Variants in MALAT1 observed in about 807,000 individuals in gnomAD.
MALAT1 encodes the protein metastasis associated lung adenocarcinoma transcript 1, also known as hepcarcin.
exon 3 of MALAT1, chr11:65,500,007 A>G (rs1854504341): frequency 2.3e-6 from 1 of 426,502 alleles, no homozygotes. Context: ...AATTATTGGT[A>G]ACCAATTTAT....
intron 3 of MALAT1, chr11:65,504,308 CTT>C (rs36002528): frequency 1.7e-3 from 803 of 460,740 alleles, no homozygotes; most frequent in Admixed American, 3.5e-3. Flanking sequence ...CTTGTTGTAG[CTT>C]TTTTTTTTTT....
At chr11:65,502,402 C>A (rs762377120) in exon 3 of MALAT1, 1 of 506,210 alleles carries the variant, frequency 2.0e-6, no homozygotes, top group East Asian at 5.5e-5. Context: ...AAGTAAGATT[C>A]TATTTTCAGT....
At chr11:65,498,631 G>GT in intron 1 of MALAT1, 1 of 518,626 alleles carries the variant, frequency 1.9e-6, no homozygotes, top group Middle Eastern at 3.2e-4. Context: ...GCTCAGTTGC[G>GT]TAATGGAAAG....
intron 3 of MALAT1, chr11:65,505,424 C>T (rs1474378067): frequency 1.9e-6 from 1 of 513,822 alleles, no homozygotes; most frequent in South Asian, 1.4e-5. Flanking sequence ...TTTATAGCAG[C>T]TCTTAATAAT....
At chr11:65,503,023 C>T (rs1423740422) in exon 3 of MALAT1, 4 of 505,030 alleles carry the variant, frequency 7.9e-6, no homozygotes, top group Admixed American at 2.1e-5. Context: ...CTACATTAAT[C>T]CTGGAATAAA....
chr11:65,506,190 A>C (rs776357860), intron 3 of MALAT1: 1 of 435,864 alleles, frequency 2.3e-6, no homozygotes, highest in African/African-American at 2.1e-5. Context: ...TTGACTACTA[A>C]TCTGTCTTCA....
chr11:65,501,454 C>T (rs781667991), exon 3 of MALAT1: 3 of 509,246 alleles, frequency 5.9e-6, no homozygotes, highest in South Asian at 1.4e-5. Flanking sequence ...ACTCTTTTTT[C>T]CCCCCACCCC....
chr11:65,502,406 T>C (rs1374182562), exon 3 of MALAT1: 1 of 506,326 alleles, frequency 2.0e-6, no homozygotes, highest in Non-Finnish European at 3.9e-6. Flanking sequence ...AAGATTCTAT[T>C]TTCAGTTGTG....
exon 3 of MALAT1, chr11:65,501,453 T>TC (rs775681570): frequency 1.9e-6 from 1 of 514,168 alleles, no homozygotes; most frequent in Non-Finnish European, 3.9e-6. Flanking sequence ...TACTCTTTTT[T>TC]CCCCCCACCC....
intron 1 of MALAT1, chr11:65,497,956 T>C (rs747217984): frequency 5.8e-6 from 3 of 518,956 alleles, no homozygotes; most frequent in East Asian, 5.4e-5. Context: ...GCTGTCCTTA[T>C]AGGCTGGCCA....
chr11:65,497,788 C>A, exon 1 of MALAT1: 1 of 482,184 alleles, frequency 2.1e-6, no homozygotes, highest in Non-Finnish European at 4.1e-6. Context: ...CCGCAACTGG[C>A]CTCTCCTGCC....
At chr11:65,498,499 C>T (rs778788807) in intron 1 of MALAT1, 2 of 517,364 alleles carry the variant, frequency 3.9e-6, no homozygotes, top group African/African-American at 3.9e-5. Flanking sequence ...CCGTGCTGCT[C>T]CGATTTCTCG....
chr11:65,502,767 G>GA lies in MALAT1; in HGVS notation n.4032dup. ...GATTATATGTCATACCTCCATTGGG[G>GA]AATAAGCATAACCCTGAGATTCTTA... On this transcript the variant is annotated non_coding_transcript_exon_variant, in exon 3 of 4. Transcript: ENST00000619449. The GA allele has an allele frequency of 3.9e-6, 2 of 515,718 alleles. 1 individual carries two copies. The highest frequency in any genetic ancestry group is 6.4e-4 in the Middle Eastern group (2 of 3,140). The allele number at this position is 515,718 out of a possible 1,614,324, so 31.9% of individuals were successfully genotyped here.
intron 3 of MALAT1, chr11:65,504,175 CAT>C (rs757396618): frequency 9.3e-4 from 480 of 516,760 alleles, no homozygotes; most frequent in Non-Finnish European, 1.5e-3. Flanking sequence ...TTTTGAATTG[CAT>C]ATGAGTGCTT....
At chr11:65,502,287 C>T (rs758785372) in exon 3 of MALAT1, 1 of 517,454 alleles carries the variant, frequency 1.9e-6, no homozygotes, top group East Asian at 5.5e-5. Flanking sequence ...GAATTTTTTT[C>T]AGGTGATTTA....
At chr11:65,505,641 A>G in intron 3 of MALAT1, 1 of 519,020 alleles carries the variant, frequency 1.9e-6, no homozygotes, top group South Asian at 1.4e-5. Context: ...CCTTGTGGGC[A>G]TGATCCATAA....
At position 65,500,806 on chromosome 11, in the gene MALAT1, T is replaced by G. The variant is rs759599559; in HGVS notation, n.2069T>G. ...CGGCAATATGTTGTTTTTCTGGAAC[T>G]TACTTATGGTAACCTTTTATTTATT... On this transcript the variant is annotated non_coding_transcript_exon_variant, in exon 3 of 4. Coordinates refer to ENST00000619449, the Ensembl canonical transcript of MALAT1. 1.5e-5 allele frequency: 8 copies of G among 518,722 alleles called. No individual in the cohort carries two copies. In the East Asian group the frequency reaches 2.2e-4, roughly 14 times the overall value. 32.1% of individuals were successfully genotyped at this position (518,722 alleles called of 1,614,324 possible).
chr11:65,501,198 A>T (rs767530630), exon 3 of MALAT1: 25 of 462,706 alleles, frequency 5.4e-5, no homozygotes, highest in South Asian at 3.6e-4. Context: ...TTGGATGTGT[A>T]ACTGAGGCGG....
exon 3 of MALAT1, chr11:65,500,127 C>CT (rs775818324): frequency 4.1e-6 from 2 of 490,624 alleles, no homozygotes; most frequent in Non-Finnish European, 8.1e-6. Flanking sequence ...ATACTTGAAG[C>CT]TAGAAGGGGA....
Sources: allele counts gnomAD v4.1 joint callset, GRCh38; gene constraint gnomAD v4.1.1; transcripts MANE v1.5; gene names NCBI Gene and HGNC (gene_info 2026-07-23, HGNC 2026-07-21).